KLF13: variants seen among roughly 807,000 people sequenced by gnomAD.
KLF13 encodes Krueppel-like factor 13.
KLF13 carries 8 observed loss-of-function variants against 16.7 expected under a neutral mutation model. The ratio of observed to expected loss-of-function variants is 0.48; its 90% CI spans 0.28 to 0.87. The LOEUF (loss-of-function observed/expected upper bound fraction) is 0.87, where lower values mean the gene tolerates loss of function less well. Among genes scored for constraint, KLF13 ranks in the 40% least tolerant of loss-of-function variants. The probability of loss-of-function intolerance (pLI) is 0.10; values close to 1 mark genes in which losing one functional copy is unlikely to be tolerated. For missense variants in KLF13, 447 were observed against 452.2 expected, an observed-to-expected ratio of 0.99 and a Z score of 0.10; for synonymous variants, 245 against 208.4, an observed-to-expected ratio of 1.18 and a Z score of -1.51.
At chr15:31,396,449 G>A (rs914583952) in intron 2 of KLF13, among the ~76,000 whole-genome samples, 2 of 152,156 alleles carry the variant, frequency 1.3e-5, no homozygotes, top group African/African-American at 2.4e-5. Context: ...GAGCCACCGC[G>A]CCCGGCCTAG....
chr15:31,420,940 G>A (rs768163260), intron 1 of KLF13, among the ~76,000 whole-genome samples: 13 of 152,070 alleles, frequency 8.5e-5, no homozygotes, highest in Admixed American at 1.3e-4. Context: ...TGATCTGCCC[G>A]CCTTGGCCTC....
At chr15:31,340,040 C>G (rs1171299535) in intron 1 of KLF13, 2 of 702,236 alleles carry the variant, frequency 2.8e-6, no homozygotes, top group Admixed American at 4.0e-5. Flanking sequence ...AGGGCTGACC[C>G]AGGTTGCCCT....
downstream of KLF13, among the ~76,000 whole-genome samples, chr15:31,406,787 C>T (rs955363669): frequency 3.3e-5 from 5 of 152,080 alleles, no homozygotes; most frequent in Non-Finnish European, 5.9e-5. Context: ...TTTTCAAGGC[C>T]GTCAGTGTAT....
At chr15:31,433,650 G>T (rs1222705772) in intron 1 of KLF13, among the ~76,000 whole-genome samples, 1 of 152,028 alleles carries the variant, frequency 6.6e-6, no homozygotes, top group African/African-American at 2.4e-5. Flanking sequence ...TGTGGGCTCA[G>T]ACTATGGCAC....
chr15:31,364,704 AGCTCTG>A (rs1342237673), intron 1 of KLF13, among the ~76,000 whole-genome samples: 2 of 152,362 alleles, frequency 1.3e-5, no homozygotes, highest in East Asian at 3.9e-4. Flanking sequence ...CTGCGGCTCT[AGCTCTG>A]GCGCCAGCCA....
intron 1 of KLF13, among the ~76,000 whole-genome samples, chr15:31,435,074 A>G (rs2040513894): frequency 6.6e-6 from 1 of 152,122 alleles, no homozygotes; most frequent in Admixed American, 6.5e-5. Context: ...CTTCCTGTGT[A>G]TATCTTATGC....
intron 2 of KLF13, among the ~76,000 whole-genome samples, chr15:31,402,478 C>A (rs2040051289): frequency 6.6e-6 from 1 of 152,228 alleles, no homozygotes; most frequent in Admixed American, 6.5e-5. Context: ...GAAACAGTTC[C>A]ATTCAGGAAA....
intron 1 of KLF13, among the ~76,000 whole-genome samples, chr15:31,351,868 C>T (rs1022530025): frequency 2.6e-5 from 4 of 152,088 alleles, no homozygotes; most frequent in Non-Finnish European, 4.4e-5. Context: ...CAAAAATTAG[C>T]TGGGTGTGGT....
intron 1 of KLF13, among the ~76,000 whole-genome samples, chr15:31,416,380 T>C (rs2040258133): frequency 6.6e-6 from 1 of 152,118 alleles, no homozygotes; most frequent in South Asian, 2.1e-4. Flanking sequence ...TGAATACAGA[T>C]ATAAAAAATT....
intron 1 of KLF13, among the ~76,000 whole-genome samples, chr15:31,365,700 G>A (rs912641257): frequency 1.3e-5 from 2 of 152,154 alleles, no homozygotes; most frequent in Admixed American, 6.5e-5. Flanking sequence ...TGCCCTTTGC[G>A]CAGGAGGGCA....
At chr15:31,382,864 G>C (rs756422919), downstream of KLF13, among the ~76,000 whole-genome samples, 1 of 152,224 alleles carries the variant, frequency 6.6e-6, no homozygotes, top group African/African-American at 2.4e-5. Flanking sequence ...GTACAAAGTC[G>C]TGACGGGCGT....
chr15:31,329,318 C>T (rs1199059566), intron 1 of KLF13, among the ~76,000 whole-genome samples: 2 of 99,600 alleles, frequency 2.0e-5, no homozygotes, highest in Non-Finnish European at 3.8e-5. Flanking sequence ...CAGGTGGATC[C>T]TGAGTATCGG....
chr15:31,432,988 C>A (rs2040491229), intron 1 of KLF13, among the ~76,000 whole-genome samples: 1 of 152,144 alleles, frequency 6.6e-6, no homozygotes. Flanking sequence ...GTGGCACATG[C>A]CTGATTCCAG....
intron 1 of KLF13, among the ~76,000 whole-genome samples, chr15:31,409,974 A>T (rs1160092830): frequency 3.9e-5 from 6 of 152,180 alleles, no homozygotes; most frequent in Admixed American, 2.6e-4. Flanking sequence ...TGTACATAAA[A>T]TAAAGTCTAT....
rs528786100 is a variant in KLF13 at position 31,410,654 on chromosome 15, A to T, written n.117+16963A>T. Among the ~76,000 whole-genome samples, 4 of 151,732 alleles carry T rather than the reference A, an allele frequency of 2.6e-5. No individual in the cohort carries two copies. The South Asian group carries it at 8.3e-4, about 32-fold the overall frequency. On this transcript the variant is annotated intron_variant and non_coding_transcript_variant, in intron 1 of 1. Coordinates refer to the KLF13 transcript ENST00000558225. ...CTATAACATCAAAGTAAAATTCAGA[A>T]TGAGAAATATCATCAGAGATAAAGG... is the stretch of plus-strand genomic sequence containing the variant.
chr15:31,378,362 A>T (rs182223175), downstream of KLF13, among the ~76,000 whole-genome samples: 539 of 152,260 alleles, frequency 3.5e-3, 2 homozygotes, highest in Middle Eastern at 0.01. Context: ...CCTACAACCT[A>T]CCACGGGCAC....
intron 1 of KLF13, among the ~76,000 whole-genome samples, chr15:31,428,322 G>A (rs989323544): frequency 2.0e-5 from 3 of 152,036 alleles, no homozygotes; most frequent in African/African-American, 7.2e-5. Context: ...AGGGATAAAA[G>A]TACAAAATAT....
intron 1 of KLF13, among the ~76,000 whole-genome samples, chr15:31,433,164 G>A (rs149975420): frequency 6.6e-6 from 1 of 152,202 alleles, no homozygotes; most frequent in Non-Finnish European, 1.5e-5. Context: ...TTAGGTGGGC[G>A]TGGAGCAGTG....
At chr15:31,429,794 C>T (rs1014873024) in intron 1 of KLF13, among the ~76,000 whole-genome samples, 6 of 151,526 alleles carry the variant, frequency 4.0e-5, no homozygotes, top group African/African-American at 9.7e-5. Flanking sequence ...AGTGCAGTGG[C>T]GCAATCTCGG....
Sources: allele counts gnomAD v4.1 joint callset (sites outside exome capture counted in the v4.1 genomes callset), GRCh38; gene constraint gnomAD v4.1.1; transcripts MANE v1.5; gene names NCBI Gene and HGNC (gene_info 2026-07-23, HGNC 2026-07-21).